The following ST6GALNAC3 variants were observed in gnomAD, a reference collection of about 807,000 sequenced individuals.
ST6GALNAC3 encodes ST6 N-acetylgalactosaminide alpha-2,6-sialyltransferase 3.
A neutral mutation model predicts 32.7 loss-of-function variants in ST6GALNAC3; 25 were observed. That is an observed-to-expected ratio of 0.76 (90% CI 0.56 to 1.07). The LOEUF (loss-of-function observed/expected upper bound fraction) is 1.07. Among genes scored for constraint, ST6GALNAC3 ranks in the 50% least tolerant of loss-of-function variants. The probability of loss-of-function intolerance (pLI) is 0.00; values close to 1 mark genes in which losing one functional copy is unlikely to be tolerated. For synonymous variants in ST6GALNAC3, 129 were observed against 133.1 expected, an observed-to-expected ratio of 0.97 and a Z score of 0.21; for missense variants, 355 against 382.4, an observed-to-expected ratio of 0.93 and a Z score of 0.60.
At chr1:76,282,660 A>G in intron 1 of ST6GALNAC3, among the ~76,000 whole-genome samples, 1 of 152,244 alleles carries the variant, frequency 6.6e-6, no homozygotes, top group East Asian at 1.9e-4. Flanking sequence ...ATATGTTCAA[A>G]CTAATTTTTT....
intron 1 of ST6GALNAC3, among the ~76,000 whole-genome samples, chr1:76,171,986 G>A (rs1281536062): frequency 1.3e-5 from 2 of 152,072 alleles, no homozygotes; most frequent in Non-Finnish European, 2.9e-5. Flanking sequence ...CTCATTTTAT[G>A]AAGCCAGTGT....
chr1:76,575,678 C>A (rs1646791354), intron 3 of ST6GALNAC3, among the ~76,000 whole-genome samples: 1 of 151,964 alleles, frequency 6.6e-6, no homozygotes. Context: ...TGAAGGAAAT[C>A]CGTAGGGAAA....
chr1:76,336,819 G>C (rs1647514790), intron 2 of ST6GALNAC3, among the ~76,000 whole-genome samples: 2 of 152,204 alleles, frequency 1.3e-5, no homozygotes, highest in African/African-American at 2.4e-5. Context: ...AAGGCATTGT[G>C]AGAGTCTGTT....
At position 76,629,331 on chromosome 1, in the gene ST6GALNAC3, T is replaced by A; in HGVS notation, c.*525T>A. 1.0e-6 allele frequency: 1 copy of A among 985,678 alleles called. No individual in the cohort carries two copies. Among genetic ancestry groups the A allele is most frequent in the Non-Finnish European group, 1.2e-6 (1 of 830,118 alleles). The allele number at this position is 985,678 out of a possible 1,614,324, so 61.1% of individuals were successfully genotyped here. On this transcript the variant is annotated 3_prime_UTR_variant, in exon 5 of 5. Coordinates refer to ENST00000328299, the MANE Select transcript of ST6GALNAC3 (RefSeq NM_152996.4). ...CTAAGGATGGGAAAATATCTCTTCC[T>A]AATATACCATCTTTCTACAGTATTT... is the stretch of plus-strand genomic sequence containing the variant.
At chr1:76,522,593 A>C (rs1237723125) in intron 3 of ST6GALNAC3, among the ~76,000 whole-genome samples, 1 of 152,184 alleles carries the variant, frequency 6.6e-6, no homozygotes, top group Non-Finnish European at 1.5e-5. Flanking sequence ...TTTAAGACAT[A>C]ACACTTTTTA....
chr1:76,108,576 G>A (rs1296551128), intron 1 of ST6GALNAC3, among the ~76,000 whole-genome samples: 1 of 152,168 alleles, frequency 6.6e-6, no homozygotes, highest in South Asian at 2.1e-4. Flanking sequence ...AGCTTTAAGA[G>A]ATGGTTAAAG....
chr1:76,539,453 T>C (rs1240189506), intron 3 of ST6GALNAC3, among the ~76,000 whole-genome samples: 1 of 152,166 alleles, frequency 6.6e-6, no homozygotes, highest in South Asian at 2.1e-4. Context: ...GACATAGGCA[T>C]GGGCAAAGAC....
intron 1 of ST6GALNAC3, among the ~76,000 whole-genome samples, chr1:76,092,400 A>G (rs1278823203): frequency 6.6e-6 from 1 of 152,192 alleles, no homozygotes; most frequent in Non-Finnish European, 1.5e-5. Context: ...CTTAGTAGCT[A>G]TTCTGTTTCA....
In ST6GALNAC3 at chr1:76,078,761, C is replaced by T. The variant is rs145715768; in HGVS notation, c.18+3877C>T. On this transcript the variant is annotated intron_variant, in intron 1 of 4. Transcript: ENST00000328299. ...GCTCTACCATTGAATAAAGAATCAA[C>T]TCAAGGACCAGTCTCTTTATTATTA... Among the ~76,000 whole-genome samples the T allele has an allele frequency of 8.9e-4, 136 of 152,220 alleles. 4 individuals carry two copies. The highest frequency in any genetic ancestry group is 3.2e-3 in the African/African-American group (132 of 41,526).
At chr1:76,081,384 G>A (rs980243516) in intron 1 of ST6GALNAC3, among the ~76,000 whole-genome samples, 9 of 151,936 alleles carry the variant, frequency 5.9e-5, no homozygotes, top group South Asian at 2.1e-4. Flanking sequence ...GCTGTCCTGC[G>A]CTGCGGGTTG....
intron 3 of ST6GALNAC3, among the ~76,000 whole-genome samples, chr1:76,546,345 T>A (rs1364056592): frequency 6.6e-6 from 1 of 152,116 alleles, no homozygotes; most frequent in Non-Finnish European, 1.5e-5. Flanking sequence ...AGTAGTGGGA[T>A]CACTACTGAA....
intron 1 of ST6GALNAC3, among the ~76,000 whole-genome samples, chr1:76,217,254 A>G (rs1655518287): frequency 6.6e-6 from 1 of 152,210 alleles, no homozygotes; most frequent in Non-Finnish European, 1.5e-5. Context: ...AGAGGAAATT[A>G]AATTATGATC....
At chr1:76,620,549 A>G (rs1033449903) in intron 3 of ST6GALNAC3, among the ~76,000 whole-genome samples, 1 of 152,080 alleles carries the variant, frequency 6.6e-6, no homozygotes, top group African/African-American at 2.4e-5. Context: ...CCTGTCTTGT[A>G]GATGGCTGCC....
chr1:76,419,778 A>G (rs1654897023), intron 3 of ST6GALNAC3, among the ~76,000 whole-genome samples: 1 of 152,056 alleles, frequency 6.6e-6, no homozygotes, highest in South Asian at 2.1e-4. Flanking sequence ...AATACCTTTC[A>G]CTGTGTCTGG....
At chr1:76,181,064 G>T (rs1570338129) in intron 1 of ST6GALNAC3, among the ~76,000 whole-genome samples, 1 of 152,164 alleles carries the variant, frequency 6.6e-6, no homozygotes, top group East Asian at 1.9e-4. Context: ...CCCATCCCTG[G>T]ACGCTGCTGT....
intron 2 of ST6GALNAC3, among the ~76,000 whole-genome samples, chr1:76,364,110 A>G (rs1650179482): frequency 6.6e-6 from 1 of 152,240 alleles, no homozygotes; most frequent in African/African-American, 2.4e-5. Context: ...GAAAGTCAGT[A>G]CAAGGAACGT....
At chr1:76,209,743 A>T (rs1655032659) in intron 1 of ST6GALNAC3, among the ~76,000 whole-genome samples, 1 of 152,226 alleles carries the variant, frequency 6.6e-6, no homozygotes, top group Non-Finnish European at 1.5e-5. Context: ...AGGATGACTT[A>T]TGAGGCTATG....
chr1:76,242,144 C>T (rs1288181457), intron 1 of ST6GALNAC3, among the ~76,000 whole-genome samples: 3 of 152,140 alleles, frequency 2.0e-5, no homozygotes, highest in African/African-American at 7.2e-5. Context: ...GCAGCTTCCA[C>T]AATCACAGGC....
At chr1:76,370,111 G>A (rs1300749863) in intron 2 of ST6GALNAC3, among the ~76,000 whole-genome samples, 1 of 152,152 alleles carries the variant, frequency 6.6e-6, no homozygotes, top group African/African-American at 2.4e-5. Flanking sequence ...ACCGCAGCAG[G>A]AACCAACCAT....
Sources: gnomAD v4.1 joint callset for allele counts (sites outside exome capture counted in the v4.1 genomes callset) on GRCh38, gnomAD v4.1.1 for gene constraint, MANE v1.5 for transcripts, NCBI Gene and HGNC (gene_info 2026-07-23, HGNC 2026-07-21) for gene names.